The following SENP6 variants were observed in gnomAD, a reference collection of about 807,000 sequenced individuals.
SENP6 encodes sentrin-specific protease 6.
SENP6 carries 41 observed loss-of-function variants against 134.5 expected under a neutral mutation model. The observed-to-expected ratio is 0.30, with a 90% CI of 0.24 to 0.40. The LOEUF is 0.40. Ranked by LOEUF, SENP6 falls within the 10% of genes least tolerant of loss-of-function variation. The pLI, the probability that SENP6 is intolerant of heterozygous loss-of-function variation, is 1.00. For synonymous variants in SENP6, 395 were observed against 429.8 expected (o/e 0.92, Z 1.00); for missense variants, 1,248 against 1,312.5 (o/e 0.95, Z 0.76).
At chr6:75,710,613 T>C (rs918014079) in intron 20 of SENP6, among the ~76,000 whole-genome samples, 4 of 152,186 alleles carry the variant, frequency 2.6e-5, no homozygotes, top group African/African-American at 7.2e-5. Flanking sequence ...AGGAATTACA[T>C]TCATGATTTA....
chr6:75,655,335 A>ATTGTAG (rs1771234934), intron 7 of SENP6: 11 of 152,376 alleles, frequency 7.2e-5, no homozygotes, highest in Admixed American at 7.2e-4. Context: ...AATGAAATAC[A>ATTGTAG]TAAATCTTAA....
chr6:75,709,080 C>T (rs571141574), intron 19 of SENP6, among the ~76,000 whole-genome samples: 4 of 151,966 alleles, frequency 2.6e-5, no homozygotes, highest in South Asian at 2.1e-4. Flanking sequence ...TCCACGTTTT[C>T]GAAATTTTAA....
rs771792257 is a variant in SENP6 at position 75,602,589 on chromosome 6, C to A, written c.52+13C>A. The A allele has an allele frequency of 5.8e-6, 9 of 1,550,954 alleles. No homozygotes were observed. The African/African-American group carries it at 1.1e-4, about 19-fold the overall frequency. On this transcript the variant is annotated intron_variant, in intron 1 of 23. Transcript: ENST00000447266. Reference sequence around the variant, plus strand: ...ACTTTTCTGGAAGGTACGTCTGTTTCTGCCCTTGACGGGGAGAAGGGAGGG... The same window carrying A: ...ACTTTTCTGGAAGGTACGTCTGTTTATGCCCTTGACGGGGAGAAGGGAGGG...
intron 20 of SENP6, among the ~76,000 whole-genome samples, chr6:75,710,958 T>C (rs1300863774): frequency 1.3e-5 from 2 of 152,200 alleles, no homozygotes; most frequent in African/African-American, 4.8e-5. Context: ...TTATATCCTA[T>C]TGTGAAATAG....
Position 75,602,438 on chromosome 6 carries a change from CCCT to C in SENP6, c.-81_-79del, listed in dbSNP as rs1031293866. ...GAGGCCCGCAACCCTGCGGCGTCTA[CCCT>C]CCTCCGGCGCGGCCCCTCATCCCGG... On this transcript the variant is annotated 5_prime_UTR_variant, in exon 1 of 24. Coordinates refer to ENST00000447266, the MANE Select transcript of SENP6 (RefSeq NM_015571.4). The C allele has an allele frequency of 3.1e-5, 46 of 1,475,310 alleles. No individual in the cohort carries two copies. Among genetic ancestry groups the C allele is most frequent in the Non-Finnish European group, 4.2e-5 (45 of 1,083,712 alleles). The allele number at this position is 1,475,310 out of a possible 1,614,324, so 91.4% of individuals were successfully genotyped here. A position where few individuals can be genotyped will look rare whatever the true frequency, so the allele number is the denominator to read the frequency against.
chr6:75,715,771 G>C lies in SENP6; in HGVS notation c.*177G>C. ...GTATTAAGTAAAAGTCTGTAAATAT[G>C]TTAATGAGGCCAATTTTTCCAGCAT... On this transcript the variant is annotated 3_prime_UTR_variant, in exon 24 of 24. Coordinates refer to ENST00000447266, the MANE Select transcript of SENP6 (RefSeq NM_015571.4). The C allele has an allele frequency of 2.4e-6, 1 of 408,482 alleles. No individual in the cohort carries two copies. The highest frequency in any genetic ancestry group is 4.3e-6 in the Non-Finnish European group (1 of 234,034). 25.3% of individuals were successfully genotyped at this position (408,482 alleles called of 1,614,324 possible). A position where few individuals can be genotyped will look rare whatever the true frequency, so the allele number is the denominator to read the frequency against.
In SENP6 at chr6:75,644,061, A is replaced by G. The variant is rs577806406; in HGVS notation, c.479+3357A>G. On this transcript the variant is annotated intron_variant, in intron 6 of 23. Transcript: ENST00000447266. ...AGAATGAGTATGGTATCAGAAACCT[A>G]GAAAATGTTCAAAAAATTAAGAGTG... 10 of 152,314 alleles carry G rather than the reference A, an allele frequency of 6.6e-5. No individual in the cohort carries two copies. In the East Asian group the frequency reaches 1.9e-3, roughly 29 times the overall value. The allele number at this position is 152,314 out of a possible 1,614,324, so 9.4% of individuals were successfully genotyped here.
chr6:75,638,242 GTTT>G (rs59853416), intron 5 of SENP6, among the ~76,000 whole-genome samples: 14,099 of 142,272 alleles, frequency 0.099, 698 homozygotes, highest in Non-Finnish European at 0.11. Flanking sequence ...CTTTTCTTTT[GTTT>G]TTTTTTTTTT....
chr6:75,662,023 G>A (rs1175581623), intron 8 of SENP6, among the ~76,000 whole-genome samples: 1 of 152,142 alleles, frequency 6.6e-6, no homozygotes, highest in African/African-American at 2.4e-5. Flanking sequence ...TTGCACTCCA[G>A]CCTGGGCAAC....
intron 5 of SENP6, 44 bp from the exon 6 acceptor site, chr6:75,640,640 T>G: frequency 7.1e-7 from 1 of 1,402,258 alleles, no homozygotes; most frequent in Non-Finnish European, 9.6e-7. Context: ...ATATCAACAA[T>G]GAGGTCTTGC....
At chr6:75,635,032 G>T in intron 5 of SENP6, 1 of 616,902 alleles carries the variant, frequency 1.6e-6, no homozygotes, top group Admixed American at 2.3e-5. Context: ...AAGACCTGTT[G>T]TATTGCATTA....
chr6:75,607,226 G>A (rs1215441510), intron 1 of SENP6, among the ~76,000 whole-genome samples: 1 of 152,024 alleles, frequency 6.6e-6, no homozygotes, highest in Non-Finnish European at 1.5e-5. Flanking sequence ...TTGAGCCCAG[G>A]AGGGCGAGGC....
At chr6:75,665,548 TTAAGA>T (rs1397322864) in intron 9 of SENP6, among the ~76,000 whole-genome samples, 2 of 152,168 alleles carry the variant, frequency 1.3e-5, no homozygotes, top group Non-Finnish European at 1.5e-5. Context: ...CTTTGTGGAA[TTAAGA>T]TATAGAGATA....
chr6:75,636,054 AAC>A, intron 5 of SENP6, among the ~76,000 whole-genome samples: 1 of 152,098 alleles, frequency 6.6e-6, no homozygotes, highest in Admixed American at 6.6e-5. Context: ...GTTAAAAAAA[AAC>A]AACCCGTTAA....
chr6:75,659,235 A>C, intron 7 of SENP6, 27 bp from the exon 8 acceptor site: 1 of 1,550,146 alleles, frequency 6.5e-7, no homozygotes, highest in Non-Finnish European at 8.7e-7. Flanking sequence ...CTAAAACTTA[A>C]AGTTTATTTT....
intron 10 of SENP6, among the ~76,000 whole-genome samples, chr6:75,669,042 G>C (rs1174937547): frequency 6.6e-6 from 1 of 152,112 alleles, no homozygotes; most frequent in Non-Finnish European, 1.5e-5. Flanking sequence ...CTCTCTAACA[G>C]GTTTCTTTAA....
At chr6:75,631,729 C>T (rs1769126867) in intron 3 of SENP6, among the ~76,000 whole-genome samples, 1 of 152,206 alleles carries the variant, frequency 6.6e-6, no homozygotes, top group South Asian at 2.1e-4. Context: ...GTAGATACAA[C>T]AGAGACTATA....
chr6:75,691,841 G>C (rs1361549034), intron 16 of SENP6, among the ~76,000 whole-genome samples: 1 of 151,860 alleles, frequency 6.6e-6, no homozygotes, highest in Non-Finnish European at 1.5e-5. Flanking sequence ...TGATCCGCCC[G>C]CCTCGGCCTC....
intron 1 of SENP6, chr6:75,610,977 T>C (rs1767402773): frequency 6.6e-6 from 1 of 152,268 alleles, no homozygotes; most frequent in Non-Finnish European, 1.5e-5. Flanking sequence ...ACTTTTCATT[T>C]TTAATAAAGA....
Sources: gnomAD v4.1 joint callset for allele counts (sites outside exome capture counted in the v4.1 genomes callset) on GRCh38, gnomAD v4.1.1 for gene constraint, MANE v1.5 for transcripts, NCBI Gene and HGNC (gene_info 2026-07-23, HGNC 2026-07-21) for gene names.